CCDC154: variants seen among roughly 807,000 people sequenced by gnomAD.
CCDC154 encodes the protein coiled-coil domain-containing protein 154.
Under a neutral mutation model 87.5 loss-of-function variants are expected in CCDC154, and 91 were observed. The observed-to-expected ratio is 1.04, with a 90% CI of 0.88 to 1.24. The LOEUF is 1.24. Among genes scored for constraint, CCDC154 ranks in the 50% most tolerant of loss-of-function variants. CCDC154 has a pLI of 0.00. For synonymous variants in CCDC154, 418 were observed against 400.4 expected (o/e 1.04, Z -0.52); for missense variants, 903 against 879.2 (o/e 1.03, Z -0.34).
Position 1,438,513 on chromosome 16 carries a change from G to T in CCDC154, c.1025+106C>A, listed in dbSNP as rs2038522023. On this transcript the variant is annotated intron_variant, in intron 9 of 16. Coordinates refer to ENST00000389176, the MANE Select transcript of CCDC154 (RefSeq NM_001143980.3). ...CCCTCGGGGTCGAGCACTCTGCTCG[G>T]GGGAGGCAAGGTCATTCCCTGCTGA... The T allele has an allele frequency of 1.1e-5, 12 of 1,085,368 alleles. No individual in the cohort carries two copies. In the South Asian group the frequency reaches 1.6e-4, roughly 15 times the overall value. 67.2% of individuals were successfully genotyped at this position (1,085,368 alleles called of 1,614,324 possible).
At chr16:1,438,593 A>G in intron 9 of CCDC154, 26 bp downstream of exon 9, 1 of 1,538,780 alleles carries the variant, frequency 6.5e-7, no homozygotes, top group East Asian at 2.4e-5. Flanking sequence ...CCCGCCTGAC[A>G]GCACCTGAGG....
Position 1,438,907 on chromosome 16 carries a change from C to G in CCDC154, c.814G>C (p.Glu272Gln). 1.3e-6 allele frequency: 2 copies of G among 1,549,702 alleles called. No individual in the cohort carries two copies. The highest frequency in any genetic ancestry group is 1.7e-6 in the Non-Finnish European group (2 of 1,146,684). Residue 272 changes from glutamate (E) to glutamine (Q), a missense_variant, in exon 8 of 17, where the codon GAG becomes CAG. By Grantham distance (29) the Glu-to-Gln change is conservative. Coordinates refer to ENST00000389176, the MANE Select transcript of CCDC154 (RefSeq NM_001143980.3). ...KASESSRLKL[E>Q]GSLRGELESR... Reference sequence around the variant, plus strand: ...TCCAGCTCGCCCCGCAGGCTGCCCTCCAGCTTCAGCCGTGAGCTCTCCGAG... The same window carrying G: ...TCCAGCTCGCCCCGCAGGCTGCCCTGCAGCTTCAGCCGTGAGCTCTCCGAG...
chr16:1,442,454 G>T lies in CCDC154; in HGVS notation c.627C>A (p.Asn209Lys). 6.5e-7 allele frequency: 1 copy of T among 1,550,232 alleles called. No individual in the cohort carries two copies. Among genetic ancestry groups the T allele is most frequent in the African/African-American group, 1.4e-5 (1 of 73,162 alleles). ...REVACGALQK[N>K]QEDSSRRVDL... Reference sequence around the variant, plus strand: ...CCACCCTCCGGCTGCTGTCCTCTTGGTTCTTCTGCAGGGCGCCGCAGGCCA... The same window carrying T: ...CCACCCTCCGGCTGCTGTCCTCTTGTTTCTTCTGCAGGGCGCCGCAGGCCA... The change falls in exon 6 of 17, where the codon AAC becomes AAA. Residue 209 changes from asparagine (N) to lysine (K), a missense_variant. By Grantham distance (94) the Asn-to-Lys change is moderately conservative (BLOSUM62 0). Coordinates refer to ENST00000389176, the MANE Select transcript of CCDC154 (RefSeq NM_001143980.3).
At chr16:1,435,359 GA>G (rs2038491438) in intron 14 of CCDC154, 184 bp from the exon 15 acceptor site, 1 of 629,658 alleles carries the variant, frequency 1.6e-6, no homozygotes, top group Non-Finnish European at 2.8e-6. Flanking sequence ...GGCAGCCTGA[GA>G]GTGGCCCTGC....
rs1195311926 is a variant in CCDC154, at chr16:1,438,843, C to T, written c.878G>A (p.Arg293His). ...WEKLRGLMEE[R>H]LRALQGQHEE... ...ATGCTGCCCCTGCAGGGCCCGCAGG[C>T]GCTCCTCCATCAGCCCCCGAAGCTT... Residue 293 changes from arginine to histidine, a missense_variant, in exon 8 of 17, where the codon CGC becomes CAC. Physicochemically the swap from Arg to His is conservative, Grantham distance 29 (BLOSUM62 0). Coordinates refer to ENST00000389176, the MANE Select transcript of CCDC154 (RefSeq NM_001143980.3). 2.0e-5 allele frequency: 31 copies of T among 1,547,550 alleles called. No homozygotes were observed. Among genetic ancestry groups the T allele is most frequent in the Admixed American group, 3.9e-5 (2 of 50,906 alleles).
rs1274743293 is a variant in CCDC154 at position 1,443,602 on chromosome 16, C to G, written c.318G>C (p.Gln106His). ...CCTGCAGCTGCACGCGGGCCCGCAC[C>G]TGGAGCAGCTCCCGCAGCAGGCTCC... is the stretch of plus-strand genomic sequence containing the variant. The part of the protein sequence containing the change: ...ATRSLLRELL[Q>H]VRARVQLQGS... The change falls in exon 3 of 17, where the codon CAG becomes CAC. Residue 106 changes from glutamine to histidine, a missense_variant. Transcript: ENST00000389176. The G allele has an allele frequency of 6.9e-7, 1 of 1,443,302 alleles. No individual in the cohort carries two copies. Among genetic ancestry groups the G allele is most frequent in the Non-Finnish European group, 9.1e-7 (1 of 1,093,060 alleles). 89.4% of individuals were successfully genotyped at this position (1,443,302 alleles called of 1,614,324 possible). A position where few individuals can be genotyped will look rare whatever the true frequency, so the allele number is the denominator to read the frequency against.
intron 9 of CCDC154, 123 bp from the exon 10 acceptor site, chr16:1,438,299 G>T: frequency 7.9e-7 from 1 of 1,264,304 alleles, no homozygotes; most frequent in Non-Finnish European, 1.1e-6. Flanking sequence ...TCGGAAGATG[G>T]GGTGCGGTCA....
chr16:1,438,758 C>A, intron 8 of CCDC154, 21 bp from the exon 9 acceptor site: 1 of 1,547,476 alleles, frequency 6.5e-7, no homozygotes, highest in Non-Finnish European at 8.7e-7. Flanking sequence ...GTGGAGGCCG[C>A]CCTGAGACCT....
At position 1,437,883 on chromosome 16, in the gene CCDC154, G is replaced by T; in HGVS notation, c.1224C>A (p.Gly408=). The change falls in exon 11 of 17, where the codon GGC becomes GGA. Residue 408 remains glycine (G), a synonymous_variant. Coordinates refer to ENST00000389176, the MANE Select transcript of CCDC154 (RefSeq NM_001143980.3). ...QLAGQLKELS[G]HLPALSSRLD... The stretch of plus-strand genomic sequence containing the variant: ...GCCGGCTGCTCAGAGCCGGGAGATG[G>T]CCACTCAGCTCCTTTAACTGCCCGG... 6.5e-7 allele frequency: 1 copy of T among 1,545,570 alleles called. No individual in the cohort carries two copies.
At chr16:1,435,847 C>A in intron 14 of CCDC154, 122 bp downstream of exon 14, 3 of 825,270 alleles carry the variant, frequency 3.6e-6, no homozygotes, top group Non-Finnish European at 3.8e-6. Flanking sequence ...GTTTTCTGAG[C>A]GTCTCCTGCT....
Position 1,437,884 on chromosome 16 carries a change from C to A in CCDC154, c.1223G>T (p.Gly408Val). ...CCGGCTGCTCAGAGCCGGGAGATGG[C>A]CACTCAGCTCCTTTAACTGCCCGGC... ...QLAGQLKELS[G>V]HLPALSSRLD... Residue 408 changes from glycine to valine, a missense_variant, in exon 11 of 17, where the codon GGC becomes GTC. Gly to Val is a moderately radical substitution (Grantham distance 109, BLOSUM62 -3). Transcript: ENST00000389176. The A allele has an allele frequency of 6.5e-7, 1 of 1,545,624 alleles. No homozygotes were observed. Among genetic ancestry groups the A allele is most frequent in the Non-Finnish European group, 8.7e-7 (1 of 1,146,530 alleles).
chr16:1,434,570 C>CCCCCCCCCCCCCCTT, intron 16 of CCDC154, 36 bp from the exon 17 acceptor site: 1 of 1,518,526 alleles, frequency 6.6e-7, no homozygotes, highest in East Asian at 2.5e-5. Flanking sequence ...CCTGCACCCC[C>CCCCCCCCCCCCCCTT]GCCCCACCCC....
intron 4 of CCDC154, 62 bp from the exon 5 acceptor site, chr16:1,443,037 G>T: frequency 6.5e-7 from 1 of 1,534,490 alleles, no homozygotes; most frequent in South Asian, 1.2e-5. Context: ...GGCGGGCTGG[G>T]GGTCTGGCCA....
rs1370958596 is a variant in CCDC154, at chr16:1,435,964, A to T, written c.1605+5T>A. 6.5e-7 allele frequency: 1 copy of T among 1,545,550 alleles called. No homozygotes were observed. The highest frequency in any genetic ancestry group is 8.7e-7 in the Non-Finnish European group (1 of 1,144,266). On this transcript the variant is annotated splice_donor_5th_base_variant and intron_variant, in intron 14 of 16. Coordinates refer to ENST00000389176, the MANE Select transcript of CCDC154 (RefSeq NM_001143980.3). ...CCAGCTGGGTGCGGGCAGCCCCAGG[A>T]CTACCGTGGCCAGCTTGCCCTGCAT...
intron 9 of CCDC154, 98 bp downstream of exon 9, chr16:1,438,521 A>C: frequency 8.7e-7 from 1 of 1,146,190 alleles, no homozygotes; most frequent in East Asian, 2.6e-5. Context: ...CGGGGGAGGC[A>C]AGGTCATTCC....
chr16:1,442,987 C>G lies in CCDC154; in HGVS notation c.456-12G>C, dbSNP rs748450454. 6.5e-7 allele frequency: 1 copy of G among 1,549,972 alleles called. No homozygotes were observed. On this transcript the variant is annotated splice_polypyrimidine_tract_variant and intron_variant, in intron 4 of 16. Coordinates refer to ENST00000389176, the MANE Select transcript of CCDC154 (RefSeq NM_001143980.3). The stretch of plus-strand genomic sequence containing the variant: ...GGACCTCCACCAGCCTGGGACACAA[C>G]AAGCCATTCCCGAGAGGCCCAGGCG...
At chr16:1,435,380 G>T (rs1009577500) in intron 14 of CCDC154, 4 of 604,886 alleles carry the variant, frequency 6.6e-6, no homozygotes, top group African/African-American at 1.9e-5. Context: ...CGGGGACCTG[G>T]CCAGGGCTCA....
chr16:1,436,322 C>T (rs919148047), intron 13 of CCDC154, 123 bp downstream of exon 13: 37 of 982,492 alleles, frequency 3.8e-5, no homozygotes, highest in East Asian at 3.7e-4. Context: ...GGGCCAGGCC[C>T]GGGCTCAGGG....
Position 1,443,264 on chromosome 16 carries a change from T to C in CCDC154, c.452A>G (p.Lys151Arg), listed in dbSNP as rs1044208223. 7 of 1,548,980 alleles carry C rather than the reference T, an allele frequency of 4.5e-6. No homozygotes were observed. In the East Asian group the frequency reaches 1.5e-4, roughly 32 times the overall value. The change falls in exon 4 of 17, where the codon AAA becomes AGA. Residue 151 changes from lysine (K) to arginine (R), a missense_variant. Transcript: ENST00000389176. ...GLQNQMQALD[K>R]RLVEVREALT... ...CCCCTAGGTGTGTGGGGGGTACCTT[T>C]TGTCCAGGGCCTGCATCTGGTTCTG...
Sources: gnomAD v4.1 joint callset for allele counts on GRCh38, gnomAD v4.1.1 for gene constraint, MANE v1.5 for transcripts, NCBI Gene and HGNC (gene_info 2026-07-23, HGNC 2026-07-21) for gene names.